Variants in DSE observed in about 807,000 individuals in gnomAD.
DSE encodes the protein dermatan sulfate epimerase.
DSE carries 36 observed loss-of-function variants against 84.4 expected under a neutral mutation model. The ratio of observed to expected loss-of-function variants is 0.43; its 90% CI spans 0.33 to 0.56. The LOEUF (loss-of-function observed/expected upper bound fraction) is 0.56, where lower values mean the gene tolerates loss of function less well. DSE is among the 20% of genes least tolerant of loss of function. The probability of loss-of-function intolerance (pLI) is 0.06; values close to 1 mark genes in which losing one functional copy is unlikely to be tolerated. For missense variants in DSE, 862 were observed against 1,169.6 expected (o/e 0.74, Z 3.84); for synonymous variants, 410 against 430.1 (o/e 0.95, Z 0.58).
chr6:116,409,496 G>A (rs546770415), intron 2 of DSE, among the ~76,000 whole-genome samples: 25 of 152,090 alleles, frequency 1.6e-4, no homozygotes, highest in Non-Finnish European at 3.2e-4. Flanking sequence ...AGCCAGGATG[G>A]TCTCGATCTC....
intron 2 of DSE, chr6:116,355,727 C>G (rs1778533585): frequency 1.3e-5 from 2 of 152,200 alleles, no homozygotes; most frequent in African/African-American, 2.4e-5. Context: ...AGCAACCAGT[C>G]TACAATGCAA....
intron 1 of DSE, among the ~76,000 whole-genome samples, chr6:116,257,051 CTAAAGTA>C (rs1278505497): frequency 2.0e-5 from 3 of 152,132 alleles, no homozygotes; most frequent in African/African-American, 7.2e-5. Context: ...AATGACTTTA[CTAAAGTA>C]TAAAGATTGG....
rs1456964822 is a variant in DSE at position 116,392,381 on chromosome 6, T to A, written c.-53-6817T>A. Reference sequence around the variant, plus strand: ...GTGCAACGTCAGGAACATTCATTTGTCGGGTCTGCCTGTTCAATCTTGCCA... The same window carrying A: ...GTGCAACGTCAGGAACATTCATTTGACGGGTCTGCCTGTTCAATCTTGCCA... On this transcript the variant is annotated intron_variant, in intron 1 of 5. Coordinates refer to ENST00000644252, the MANE Select transcript of DSE (RefSeq NM_013352.4). Among the ~76,000 whole-genome samples the A allele has an allele frequency of 2.6e-5, 4 of 152,152 alleles. No homozygotes were observed. In the East Asian group the frequency reaches 7.7e-4, roughly 29 times the overall value.
At chr6:116,290,850 C>T (rs1388237285) in intron 2 of DSE, among the ~76,000 whole-genome samples, 1 of 152,158 alleles carries the variant, frequency 6.6e-6, no homozygotes, top group East Asian at 1.9e-4. Flanking sequence ...CTTTTTCCAG[C>T]CAACCTCAGT....
Position 116,437,329 on chromosome 6 carries a change from C to G in DSE, c.2861C>G (p.Ser954Cys). The stretch of plus-strand genomic sequence containing the variant: ...TTATTATGGTTGTACTCTTCTTGTT[C>G]CCAATCACAGTGTTAGCACTGAAGC... The part of the protein sequence containing the change: ...CILLWLYSSC[S>C]QSQC Residue 954 changes from serine to cysteine, a missense_variant, in exon 6 of 6, where the codon TCC (serine) becomes TGC (cysteine). This residue lies in a region of DSE where 315 missense variants were observed against 348.1 expected (regional missense o/e 0.90). Coordinates refer to ENST00000644252, the MANE Select transcript of DSE (RefSeq NM_013352.4). 6.2e-7 allele frequency: 1 copy of G among 1,610,240 alleles called. No individual in the cohort carries two copies. Among genetic ancestry groups the G allele is most frequent in the Non-Finnish European group, 8.5e-7 (1 of 1,178,214 alleles).
intron 2 of DSE, among the ~76,000 whole-genome samples, chr6:116,401,818 G>T (rs1458533255): frequency 6.6e-6 from 1 of 151,722 alleles, no homozygotes; most frequent in Non-Finnish European, 1.5e-5. Context: ...AATGAGTATT[G>T]TCATTGACTT....
At chr6:116,258,312 G>C (rs1296397525) in intron 1 of DSE, 2 of 472,262 alleles carry the variant, frequency 4.2e-6, no homozygotes, top group Non-Finnish European at 7.8e-6. Flanking sequence ...CACCGGACCT[G>C]GCCAGATATT....
chr6:116,330,206 G>T (rs1286255106), intron 2 of DSE, among the ~76,000 whole-genome samples: 3 of 152,116 alleles, frequency 2.0e-5, no homozygotes, highest in Non-Finnish European at 2.9e-5. Flanking sequence ...TTTATTATTA[G>T]CATGATTACA....
At chr6:116,370,930 C>G (rs1470240635), upstream of DSE, 5 of 985,516 alleles carry the variant, frequency 5.1e-6, no homozygotes, top group Non-Finnish European at 6.0e-6. Flanking sequence ...CTACCCGCCC[C>G]CGCCGGCCCG....
At chr6:116,430,827 G>A (rs1487533535) in intron 3 of DSE, 127 bp from the exon 4 acceptor site, 2 of 1,276,002 alleles carry the variant, frequency 1.6e-6, no homozygotes, top group East Asian at 4.8e-5. Context: ...CTGACAAGTT[G>A]GAGTTTTACA....
At chr6:116,341,017 C>T (rs1005101669) in intron 2 of DSE, among the ~76,000 whole-genome samples, 2 of 152,154 alleles carry the variant, frequency 1.3e-5, no homozygotes, top group Non-Finnish European at 1.5e-5. Flanking sequence ...AATGGGATTG[C>T]TTGGTCAAAT....
chr6:116,316,758 A>G (rs1426598932), intron 2 of DSE, among the ~76,000 whole-genome samples: 1 of 151,874 alleles, frequency 6.6e-6, no homozygotes, highest in East Asian at 1.9e-4. Flanking sequence ...TATTTAACAA[A>G]TGCCTTGGAA....
intron 2 of DSE, among the ~76,000 whole-genome samples, chr6:116,308,831 C>G (rs1168426235): frequency 6.6e-6 from 1 of 152,062 alleles, no homozygotes; most frequent in African/African-American, 2.4e-5. Flanking sequence ...GCGCCCACCA[C>G]CATGCCCAGC....
chr6:116,262,995 G>A (rs1023937965), intron 2 of DSE, among the ~76,000 whole-genome samples: 5 of 152,126 alleles, frequency 3.3e-5, no homozygotes, highest in Non-Finnish European at 7.4e-5. Flanking sequence ...TATAATTTCA[G>A]TTCTTTGGCA....
intron 2 of DSE, among the ~76,000 whole-genome samples, chr6:116,415,821 C>T (rs1180559673): frequency 6.6e-6 from 1 of 152,092 alleles, no homozygotes; most frequent in East Asian, 1.9e-4. Context: ...TCTCTTTTGT[C>T]CTATTATGGG....
At chr6:116,321,648 C>T (rs1025291539) in intron 2 of DSE, among the ~76,000 whole-genome samples, 5 of 152,054 alleles carry the variant, frequency 3.3e-5, no homozygotes, top group African/African-American at 9.7e-5. Context: ...TTAGCCGGCG[C>T]CTGTAATTCC....
chr6:116,413,156 G>A (rs1420286128), intron 2 of DSE, among the ~76,000 whole-genome samples: 5 of 152,060 alleles, frequency 3.3e-5, no homozygotes, highest in Non-Finnish European at 5.9e-5. Context: ...TGCAGTGGAC[G>A]CACAAGCTGA....
At chr6:116,325,155 C>T (rs1776545554) in intron 2 of DSE, among the ~76,000 whole-genome samples, 1 of 152,204 alleles carries the variant, frequency 6.6e-6, no homozygotes, top group South Asian at 2.1e-4. Flanking sequence ...GACACCAAAG[C>T]CTCCAAACCC....
chr6:116,404,713 G>A (rs1027738543), intron 2 of DSE, among the ~76,000 whole-genome samples: 5 of 152,218 alleles, frequency 3.3e-5, no homozygotes, highest in Admixed American at 6.5e-5. Context: ...GAATAGTTAC[G>A]AATATATAAC....
Sources: allele counts gnomAD v4.1 joint callset (sites outside exome capture counted in the v4.1 genomes callset), GRCh38; gene constraint gnomAD v4.1.1; regional missense constraint gnomAD v4.1.1; transcripts MANE v1.5; gene names NCBI Gene and HGNC (gene_info 2026-07-23, HGNC 2026-07-21).